Variants in SHANK2 observed in about 807,000 individuals in gnomAD.
SHANK2 encodes the protein SH3 and multiple ankyrin repeat domains 2.
SHANK2 carries 43 observed loss-of-function variants against 133.7 expected under a neutral mutation model. That is an observed-to-expected ratio of 0.32 (90% CI 0.25 to 0.41). SHANK2 has a LOEUF of 0.41. SHANK2 is among the 10% of genes least tolerant of loss of function. The pLI, the probability that SHANK2 is intolerant of heterozygous loss-of-function variation, is 1.00. For synonymous variants in SHANK2, 1,017 were observed against 952.8 expected (o/e 1.07, Z -1.24); for missense variants, 1,994 against 2,235.8 (o/e 0.89, Z 2.18).
chr11:70,599,909 A>AAAAGAAAGAAAGAAAGAAAGAAAGAT (rs1565166311), intron 17 of SHANK2, among the ~76,000 whole-genome samples: 2 of 37,506 alleles, frequency 5.3e-5, no homozygotes, highest in African/African-American at 2.3e-4. Context: ...AAGAAAGAGA[A>AAAAGAAAGAAAGAAAGAAAGAAAGAT]AGAAAGAAAG....
intron 14 of SHANK2, among the ~76,000 whole-genome samples, chr11:70,765,284 T>C (rs1277117315): frequency 5.3e-5 from 8 of 152,192 alleles, no homozygotes; most frequent in Non-Finnish European, 2.9e-5. Flanking sequence ...GCCAGCATGA[T>C]TGGGTCAGGG....
intron 2 of SHANK2, among the ~76,000 whole-genome samples, chr11:71,158,048 A>G (rs1308715144): frequency 5.9e-5 from 9 of 152,216 alleles, no homozygotes; most frequent in African/African-American, 2.2e-4. Context: ...AAAACTGGGA[A>G]TAGAAGAGAA....
intron 2 of SHANK2, among the ~76,000 whole-genome samples, chr11:71,168,755 C>G: frequency 6.6e-6 from 1 of 152,066 alleles, no homozygotes; most frequent in Non-Finnish European, 1.5e-5. Flanking sequence ...GCAGTACCGT[C>G]CAGCTTCAGC....
At chr11:70,619,367 G>T (rs1421082888) in intron 17 of SHANK2, among the ~76,000 whole-genome samples, 1 of 152,080 alleles carries the variant, frequency 6.6e-6, no homozygotes, top group African/African-American at 2.4e-5. Context: ...GGGGACCCCT[G>T]GCGTTCCTTA....
intron 17 of SHANK2, among the ~76,000 whole-genome samples, chr11:70,552,402 A>G (rs567403434): frequency 7.2e-5 from 11 of 152,184 alleles, no homozygotes; most frequent in Admixed American, 1.3e-4. Flanking sequence ...TTATAGCTCA[A>G]TTTAGTTCCT....
chr11:70,769,263 C>T (rs1290258428), intron 14 of SHANK2, among the ~76,000 whole-genome samples: 1 of 152,130 alleles, frequency 6.6e-6, no homozygotes, highest in African/African-American at 2.4e-5. Context: ...AGTAGGGCAG[C>T]CCTGCTTCAC....
chr11:70,698,399 G>T, intron 15 of SHANK2: 1 of 492,130 alleles, frequency 2.0e-6, no homozygotes, highest in Non-Finnish European at 3.7e-6. Context: ...GCCCACTGCC[G>T]TCATCCTTGA....
At chr11:70,780,656 C>T (rs2135107720) in intron 14 of SHANK2, among the ~76,000 whole-genome samples, 1 of 151,692 alleles carries the variant, frequency 6.6e-6, no homozygotes, top group Non-Finnish European at 1.5e-5. Flanking sequence ...TCACTGCAAC[C>T]TCTACCTCTG....
intron 3 of SHANK2, among the ~76,000 whole-genome samples, chr11:71,127,552 C>T (rs192548284): frequency 9.8e-5 from 15 of 152,336 alleles, no homozygotes; most frequent in Admixed American, 5.2e-4. Context: ...CAGCCATCAA[C>T]ATGAGACAAG....
intron 14 of SHANK2, among the ~76,000 whole-genome samples, chr11:70,728,532 G>A (rs1555031261): frequency 6.6e-6 from 1 of 152,206 alleles, no homozygotes; most frequent in East Asian, 1.9e-4. Context: ...AAAGCCACAG[G>A]TCCAGAGCTT....
At chr11:70,539,892 G>A (rs1205570426) in intron 17 of SHANK2, among the ~76,000 whole-genome samples, 2 of 152,182 alleles carry the variant, frequency 1.3e-5, no homozygotes, top group Non-Finnish European at 2.9e-5. Context: ...GGGACTGCGA[G>A]GCAGTTTCTG....
intron 14 of SHANK2, among the ~76,000 whole-genome samples, chr11:70,742,719 C>G (rs962461618): frequency 6.6e-6 from 1 of 152,218 alleles, no homozygotes; most frequent in Admixed American, 6.5e-5. Flanking sequence ...TCTCCATGCA[C>G]AGCCACCCCA....
At chr11:70,924,683 C>T (rs1950402197) in intron 10 of SHANK2, among the ~76,000 whole-genome samples, 2 of 152,154 alleles carry the variant, frequency 1.3e-5, no homozygotes, top group African/African-American at 4.8e-5. Context: ...TCTCAAACTC[C>T]TGACCTCAAG....
At chr11:70,525,409 C>T (rs1202578999) in intron 17 of SHANK2, among the ~76,000 whole-genome samples, 2 of 152,162 alleles carry the variant, frequency 1.3e-5, no homozygotes, top group Admixed American at 1.3e-4. Context: ...ACACCCAGGA[C>T]AGCTCATCCC....
At chr11:70,888,490 G>A (rs999425869) in intron 11 of SHANK2, among the ~76,000 whole-genome samples, 5 of 152,120 alleles carry the variant, frequency 3.3e-5, no homozygotes, top group East Asian at 1.9e-4. Context: ...ACTCAAGACC[G>A]GGTACCAGGG....
At chr11:70,848,736 C>T (rs909537986) in intron 11 of SHANK2, among the ~76,000 whole-genome samples, 5 of 152,148 alleles carry the variant, frequency 3.3e-5, no homozygotes, top group Admixed American at 1.3e-4. Context: ...GTTCAGGGTC[C>T]GAGAAGCTTG....
intron 17 of SHANK2, among the ~76,000 whole-genome samples, chr11:70,516,910 T>TAA: frequency 6.6e-6 from 1 of 151,980 alleles, no homozygotes; most frequent in South Asian, 2.1e-4. Context: ...CCGTCTCTTA[T>TAA]AAAAGTACAA....
intron 17 of SHANK2, among the ~76,000 whole-genome samples, chr11:70,525,995 C>T (rs1479967396): frequency 8.6e-6 from 1 of 116,414 alleles, no homozygotes; most frequent in Non-Finnish European, 1.7e-5. Flanking sequence ...TACTCTGCCC[C>T]CACCCCCCAC....
chr11:70,825,183 G>A (rs1274020167), intron 11 of SHANK2, among the ~76,000 whole-genome samples: 1 of 152,098 alleles, frequency 6.6e-6, no homozygotes, highest in African/African-American at 2.4e-5. Flanking sequence ...GGCATTTGGG[G>A]GAGTCCTGGC....
Sources: gnomAD v4.1 joint callset for allele counts (sites outside exome capture counted in the v4.1 genomes callset) on GRCh38, gnomAD v4.1.1 for gene constraint, MANE v1.5 for transcripts, NCBI Gene and HGNC (gene_info 2026-07-23, HGNC 2026-07-21) for gene names.